The following VAT1L variants were observed in gnomAD, a reference collection of about 807,000 sequenced individuals.
The protein encoded by VAT1L is putative NADPH-dependent quinone oxidoreductase VAT1L.
A neutral mutation model predicts 44.1 loss-of-function variants in VAT1L; 34 were observed. The ratio of observed to expected loss-of-function variants is 0.77; its 90% CI spans 0.59 to 1.03. The LOEUF (loss-of-function observed/expected upper bound fraction) is 1.03. VAT1L is among the 50% of genes least tolerant of loss of function. The pLI, the probability that VAT1L is intolerant of heterozygous loss-of-function variation, is 0.00. For synonymous variants in VAT1L, 253 were observed against 202.2 expected, an observed-to-expected ratio of 1.25 and a Z score of -2.13; for missense variants, 615 against 538.8, an observed-to-expected ratio of 1.14 and a Z score of -1.40.
chr16:77,921,035 T>G (rs2017606520), intron 7 of VAT1L, among the ~76,000 whole-genome samples: 1 of 152,294 alleles, frequency 6.6e-6, no homozygotes, highest in African/African-American at 2.4e-5. Context: ...TCCATTTCAT[T>G]AGATCAGCAG....
At chr16:77,842,581 G>C (rs1220578880) in intron 3 of VAT1L, among the ~76,000 whole-genome samples, 1 of 152,210 alleles carries the variant, frequency 6.6e-6, no homozygotes, top group African/African-American at 2.4e-5. Flanking sequence ...CAAAAGCCCA[G>C]GAGAACATGA....
At chr16:77,918,036 G>A (rs1282679651) in intron 7 of VAT1L, among the ~76,000 whole-genome samples, 1 of 152,186 alleles carries the variant, frequency 6.6e-6, no homozygotes, top group Admixed American at 6.5e-5. Context: ...CAGAGACACA[G>A]CCTGAATCTT....
chr16:77,965,858 G>C, intron 7 of VAT1L, among the ~76,000 whole-genome samples: 1 of 152,120 alleles, frequency 6.6e-6, no homozygotes. Flanking sequence ...GCTATTGTGT[G>C]ACAGATGTCC....
At chr16:77,813,514 G>A (rs1433056927) in intron 1 of VAT1L, among the ~76,000 whole-genome samples, 1 of 152,172 alleles carries the variant, frequency 6.6e-6, no homozygotes, top group Non-Finnish European at 1.5e-5. Flanking sequence ...CAAGCCCAGA[G>A]ACTGGACCTC....
intron 7 of VAT1L, among the ~76,000 whole-genome samples, chr16:77,962,759 G>GGAAGGAAA (rs1445842287): frequency 6.6e-5 from 10 of 151,180 alleles, no homozygotes; most frequent in African/African-American, 1.2e-4. Context: ...AAGGAAGGAA[G>GGAAGGAAA]GAAGGAAGGA....
intron 7 of VAT1L, among the ~76,000 whole-genome samples, chr16:77,891,554 A>G (rs1426972281): frequency 6.6e-6 from 1 of 152,208 alleles, no homozygotes; most frequent in Admixed American, 6.5e-5. Flanking sequence ...GTCGCTGTCC[A>G]AATGCAGTCA....
chr16:77,876,324 G>C (rs1429067620), intron 4 of VAT1L, 46 bp from the exon 5 acceptor site: 2 of 1,513,602 alleles, frequency 1.3e-6, no homozygotes, highest in Non-Finnish European at 1.8e-6. Context: ...TGACAGTCTG[G>C]CTCCTGACAG....
chr16:77,906,637 A>G (rs10514431), intron 7 of VAT1L, among the ~76,000 whole-genome samples: 33,224 of 152,114 alleles, frequency 0.22, 3,729 homozygotes, highest in South Asian at 0.26. Flanking sequence ...CCCTGGGGAA[A>G]CTACGGAAAT....
chr16:77,833,310 A>C (rs768600648), intron 3 of VAT1L, among the ~76,000 whole-genome samples: 19 of 152,208 alleles, frequency 1.2e-4, no homozygotes, highest in Non-Finnish European at 2.5e-4. Flanking sequence ...ACAAGGTGAT[A>C]TGAGTATTGA....
At chr16:77,818,730 A>T (rs2914455) in intron 2 of VAT1L, among the ~76,000 whole-genome samples, 100,840 of 152,034 alleles carry the variant, frequency 0.66, 33,655 homozygotes, top group East Asian at 0.71. Context: ...AAGCCCACCC[A>T]TTAAACTCTC....
chr16:77,864,300 T>TAAAGAAACA (rs546612856), intron 4 of VAT1L, among the ~76,000 whole-genome samples: 422 of 152,282 alleles, frequency 2.8e-3, no homozygotes, highest in Middle Eastern at 0.01. Flanking sequence ...AGAATCATAA[T>TAAAGAAACA]AAAGAAACAA....
intron 7 of VAT1L, among the ~76,000 whole-genome samples, chr16:77,941,753 A>AT (rs955700550): frequency 1.3e-5 from 2 of 152,006 alleles, no homozygotes; most frequent in Middle Eastern, 3.4e-3. Context: ...AGCCTGGCTG[A>AT]TTTTTTTGTA....
At chr16:77,813,864 G>A (rs1597174645) in intron 1 of VAT1L, among the ~76,000 whole-genome samples, 1 of 152,148 alleles carries the variant, frequency 6.6e-6, no homozygotes, top group African/African-American at 2.4e-5. Context: ...GGCCCACATT[G>A]GTGCAGTCAG....
At chr16:77,885,414 A>G (rs942152962) in intron 7 of VAT1L, among the ~76,000 whole-genome samples, 1 of 152,182 alleles carries the variant, frequency 6.6e-6, no homozygotes, top group Non-Finnish European at 1.5e-5. Context: ...ATTGGTTCAC[A>G]TGGCCCTTGC....
chr16:77,816,571 C>G (rs977655267), intron 1 of VAT1L, among the ~76,000 whole-genome samples: 17 of 152,264 alleles, frequency 1.1e-4, no homozygotes, highest in African/African-American at 4.1e-4. Context: ...GTACTAAGAA[C>G]TCTGATAGCC....
chr16:77,824,705 G>A (rs1458539638), intron 2 of VAT1L, among the ~76,000 whole-genome samples: 1 of 147,906 alleles, frequency 6.8e-6, no homozygotes, highest in African/African-American at 2.5e-5. Flanking sequence ...GCAGTGAGCT[G>A]AGATCACGCC....
chr16:77,868,474 A>C (rs1296017989), intron 4 of VAT1L, among the ~76,000 whole-genome samples: 6 of 152,236 alleles, frequency 3.9e-5, no homozygotes, highest in African/African-American at 1.4e-4. Context: ...CCTGAAGAAC[A>C]CATGGGAGCT....
intron 7 of VAT1L, among the ~76,000 whole-genome samples, chr16:77,933,598 G>C (rs950471979): frequency 2.0e-5 from 3 of 152,236 alleles, no homozygotes; most frequent in African/African-American, 7.2e-5. Flanking sequence ...AAAGGGATGG[G>C]GAAGGCAGGT....
chr16:77,873,853 C>T (rs1156932254), intron 4 of VAT1L, among the ~76,000 whole-genome samples: 1 of 152,014 alleles, frequency 6.6e-6, no homozygotes, highest in Non-Finnish European at 1.5e-5. Context: ...ATGCAAAGGC[C>T]CTGAGGTCAG....
Sources: allele counts gnomAD v4.1 joint callset (sites outside exome capture counted in the v4.1 genomes callset), GRCh38; gene constraint gnomAD v4.1.1; transcripts MANE v1.5; gene names NCBI Gene and HGNC (gene_info 2026-07-23, HGNC 2026-07-21).